Variants in PLEKHM3 observed in about 807,000 individuals in gnomAD.
PLEKHM3 encodes the protein pleckstrin homology domain containing M3, also known as pleckstrin homology domain-containing family M member 3.
A neutral mutation model predicts 81.8 loss-of-function variants in PLEKHM3; 45 were observed. That is an observed-to-expected ratio of 0.55 (90% confidence interval 0.43 to 0.71). The LOEUF (loss-of-function observed/expected upper bound fraction) is 0.71. Ranked by LOEUF, PLEKHM3 falls within the 30% of genes least tolerant of loss-of-function variation. The pLI is 0.00. For synonymous variants in PLEKHM3, 352 were observed against 356.4 expected (o/e 0.99, Z 0.14); for missense variants, 788 against 924.3 (o/e 0.85, Z 1.91).
At chr2:207,888,254 G>A (rs1687943869) in intron 6 of PLEKHM3, among the ~76,000 whole-genome samples, 1 of 151,920 alleles carries the variant, frequency 6.6e-6, no homozygotes, top group South Asian at 2.1e-4. Context: ...TGCTTGCTCT[G>A]CTCTTTCAGG....
At chr2:207,840,348 G>A (rs2092343219) in intron 7 of PLEKHM3, among the ~76,000 whole-genome samples, 2 of 151,992 alleles carry the variant, frequency 1.3e-5, no homozygotes, top group Non-Finnish European at 2.9e-5. Flanking sequence ...GTGCCACCAT[G>A]ACTGGCTAAT....
intron 2 of PLEKHM3, among the ~76,000 whole-genome samples, chr2:207,996,125 G>A (rs1338493670): frequency 6.6e-6 from 1 of 152,210 alleles, no homozygotes; most frequent in African/African-American, 2.4e-5. Flanking sequence ...TCCAAGACCA[G>A]AGTAACATTC....
At chr2:207,971,706 C>T (rs957115007) in intron 3 of PLEKHM3, among the ~76,000 whole-genome samples, 1 of 152,076 alleles carries the variant, frequency 6.6e-6, no homozygotes, top group Admixed American at 6.6e-5. Context: ...AATACTATAG[C>T]ACCACAGATT....
chr2:208,024,266 C>T (rs28592284), intron 1 of PLEKHM3, among the ~76,000 whole-genome samples: 1 of 152,020 alleles, frequency 6.6e-6, no homozygotes, highest in Non-Finnish European at 1.5e-5. Flanking sequence ...AAGTAAACTG[C>T]CCAAGATTAC....
chr2:207,985,813 C>T (rs1353477021), intron 2 of PLEKHM3, among the ~76,000 whole-genome samples: 4 of 151,882 alleles, frequency 2.6e-5, no homozygotes, highest in East Asian at 1.9e-4. Context: ...AGTGAAACCC[C>T]GTCTCTACTA....
At chr2:207,868,616 A>G (rs560694079) in intron 6 of PLEKHM3, 8 of 152,238 alleles carry the variant, frequency 5.3e-5, no homozygotes, top group Non-Finnish European at 1.0e-4. Context: ...TAATACATTG[A>G]AAGCATCGAA....
intron 7 of PLEKHM3, among the ~76,000 whole-genome samples, chr2:207,834,252 TC>T: frequency 6.7e-6 from 1 of 148,312 alleles, no homozygotes. Flanking sequence ...GCCTCAGCCT[TC>T]CCAAGTAGCT....
rs149123156 is a variant in PLEKHM3, at chr2:207,980,366, G to A, written c.611-2780C>T. On this transcript the variant is annotated intron_variant, in intron 2 of 7. Transcript: ENST00000427836. ...CTTGGGTGGACTGAATGAGAAGACC[G>A]GCGAGGGAATCTTCAAGGTTCCCTC... is the stretch of plus-strand genomic sequence containing the variant. Among the ~76,000 whole-genome samples, 10 of 152,112 alleles carry A rather than the reference G, an allele frequency of 6.6e-5. No homozygotes were observed. In the East Asian group the frequency reaches 7.7e-4, roughly 12 times the overall value.
chr2:207,919,739 G>A (rs903093401), intron 5 of PLEKHM3, among the ~76,000 whole-genome samples: 7 of 152,142 alleles, frequency 4.6e-5, no homozygotes, highest in Admixed American at 3.3e-4. Flanking sequence ...AGGTTAAGAC[G>A]TTATTAGACA....
intron 3 of PLEKHM3, among the ~76,000 whole-genome samples, chr2:207,965,707 T>C (rs949678911): frequency 2.6e-5 from 4 of 152,220 alleles, no homozygotes; most frequent in African/African-American, 4.8e-5. Context: ...CATATTCTTC[T>C]TATACATTTA....
chr2:207,865,507 G>A lies in PLEKHM3; in HGVS notation c.1951-4245C>T, dbSNP rs548225129. Among the ~76,000 whole-genome samples, 4 of 152,060 alleles carry A rather than the reference G, an allele frequency of 2.6e-5. No homozygotes were observed. The South Asian group carries it at 8.3e-4, about 32-fold the overall frequency. ...ATAATTTACTTTCTGTCCAGATGCA[G>A]TGGCTCATGCCTGTAATCCCAGCAC... On this transcript the variant is annotated intron_variant, in intron 6 of 7. Coordinates refer to ENST00000427836, the MANE Select transcript of PLEKHM3 (RefSeq NM_001080475.3).
chr2:207,997,240 C>T (rs1692151460), intron 2 of PLEKHM3, among the ~76,000 whole-genome samples: 1 of 152,116 alleles, frequency 6.6e-6, no homozygotes, highest in African/African-American at 2.4e-5. Flanking sequence ...TATACCGGAG[C>T]CCAATTTTGC....
chr2:207,873,995 G>T (rs1282728253), intron 6 of PLEKHM3, among the ~76,000 whole-genome samples: 1 of 152,148 alleles, frequency 6.6e-6, no homozygotes, highest in African/African-American at 2.4e-5. Flanking sequence ...GTCTAAGATG[G>T]TTGGGGATTT....
intron 4 of PLEKHM3, among the ~76,000 whole-genome samples, chr2:207,944,355 C>T (rs542952099): frequency 5.9e-5 from 9 of 152,122 alleles, no homozygotes; most frequent in East Asian, 3.9e-4. Flanking sequence ...GGAGAAGAGA[C>T]GAGATTTGGC....
At chr2:207,865,064 T>C (rs536055264) in intron 6 of PLEKHM3, among the ~76,000 whole-genome samples, 2 of 152,342 alleles carry the variant, frequency 1.3e-5, no homozygotes, top group South Asian at 4.1e-4. Flanking sequence ...TTTTGGTTTT[T>C]CTAGTATTAT....
At chr2:207,896,419 C>T (rs1012802242) in intron 6 of PLEKHM3, among the ~76,000 whole-genome samples, 2 of 152,218 alleles carry the variant, frequency 1.3e-5, no homozygotes, top group Admixed American at 6.5e-5. Context: ...ATAATCCCTA[C>T]CCGGGTTAAG....
At position 208,014,402 on chromosome 2, in the gene PLEKHM3, T is replaced by A. The variant is rs535244611; in HGVS notation, c.-319+10987A>T. ...GCTCATGCCTGTAATCCCAGCACTT[T>A]GGAGGCCGAGGCGGGCAGATCACCT... On this transcript the variant is annotated intron_variant, in intron 1 of 7. Coordinates refer to ENST00000427836, the MANE Select transcript of PLEKHM3 (RefSeq NM_001080475.3). 3.1e-4 allele frequency among the ~76,000 whole-genome samples: 47 copies of A among 152,268 alleles called. 1 individual carries two copies. In the South Asian group the frequency reaches 9.1e-3, roughly 30 times the overall value.
At chr2:207,915,713 A>G (rs1324012108) in intron 5 of PLEKHM3, among the ~76,000 whole-genome samples, 2 of 152,242 alleles carry the variant, frequency 1.3e-5, no homozygotes, top group Admixed American at 6.5e-5. Context: ...AAACTCCACA[A>G]TTTGATTCTA....
At chr2:207,913,863 T>C (rs895186103) in intron 5 of PLEKHM3, among the ~76,000 whole-genome samples, 4 of 151,696 alleles carry the variant, frequency 2.6e-5, no homozygotes, top group Non-Finnish European at 5.9e-5. Context: ...CTAAAGGAAA[T>C]GGGATGTGGA....
Sources: gnomAD v4.1 joint callset for allele counts (sites outside exome capture counted in the v4.1 genomes callset) on GRCh38, gnomAD v4.1.1 for gene constraint, MANE v1.5 for transcripts, NCBI Gene and HGNC (gene_info 2026-07-23, HGNC 2026-07-21) for gene names.